The following BORCS5 variants were observed in gnomAD, a reference collection of about 807,000 sequenced individuals.
BORCS5 encodes the protein BLOC-1-related complex subunit 5.
BORCS5 carries 17 observed loss-of-function variants against 22.1 expected under a neutral mutation model. That is an observed-to-expected ratio of 0.77 (90% CI 0.53 to 1.15). The LOEUF (loss-of-function observed/expected upper bound fraction) is 1.15. BORCS5 is among the 50% of genes most tolerant of loss of function. The pLI is 0.00. For missense variants in BORCS5, 247 were observed against 253.2 expected (o/e 0.98, Z 0.17); for synonymous variants, 117 against 99.8 (o/e 1.17, Z -1.03).
At chr12:12,438,469 A>G (rs1218280846) in intron 3 of BORCS5, among the ~76,000 whole-genome samples, 1 of 152,048 alleles carries the variant, frequency 6.6e-6, no homozygotes, top group Non-Finnish European at 1.5e-5. Flanking sequence ...GACTAGCTCT[A>G]TATCAGAGAG....
rs10647835 is a variant in BORCS5 at position 12,470,676 on chromosome 12, GT to G, written c.*4912del. Among the ~76,000 whole-genome samples the G allele has an allele frequency of 8.2e-5, 12 of 146,502 alleles. No homozygotes were observed. Among genetic ancestry groups the G allele is most frequent in the African/African-American group, 2.8e-4 (11 of 39,922 alleles). ...ATAAATAACATTGAATTTCATGTGG[GT>G]TTTTTTTTTTTGACACACCAGGCAT... On this transcript the variant is annotated 3_prime_UTR_variant, in exon 4 of 4. Coordinates refer to ENST00000314565, the MANE Select transcript of BORCS5 (RefSeq NM_058169.6).
chr12:12,360,809 C>T (rs1230931847), intron 1 of BORCS5, among the ~76,000 whole-genome samples: 2 of 152,062 alleles, frequency 1.3e-5, no homozygotes, highest in Non-Finnish European at 2.9e-5. Context: ...CAACCTCCGC[C>T]TCTCGGGCTC....
intron 2 of BORCS5, among the ~76,000 whole-genome samples, chr12:12,401,304 C>T (rs1023477370): frequency 6.6e-6 from 1 of 152,086 alleles, no homozygotes; most frequent in Non-Finnish European, 1.5e-5. Context: ...TGTTCCACAT[C>T]CTCAGTAAAA....
At chr12:12,407,547 T>TATCCCCA (rs1270881813) in intron 2 of BORCS5, among the ~76,000 whole-genome samples, 1 of 152,188 alleles carries the variant, frequency 6.6e-6, no homozygotes, top group African/African-American at 2.4e-5. Flanking sequence ...TGGCATTAAG[T>TATCCCCA]ATATTCACAT....
At chr12:12,367,006 G>C (rs1863420533) in intron 2 of BORCS5, among the ~76,000 whole-genome samples, 1 of 151,812 alleles carries the variant, frequency 6.6e-6, no homozygotes, top group Admixed American at 6.6e-5. Context: ...AAGCAGCTTT[G>C]TTGGGAGTTT....
At chr12:12,439,899 A>G (rs1271062645) in intron 3 of BORCS5, among the ~76,000 whole-genome samples, 1 of 152,196 alleles carries the variant, frequency 6.6e-6, no homozygotes. Context: ...GAAATTAGTC[A>G]CTTCCAAATG....
chr12:12,365,541 C>A (rs1365197813), intron 2 of BORCS5, among the ~76,000 whole-genome samples: 1 of 151,828 alleles, frequency 6.6e-6, no homozygotes. Context: ...CCCCAACCCC[C>A]ACTTGATGAG....
At chr12:12,435,426 C>T (rs1470629934) in intron 2 of BORCS5, among the ~76,000 whole-genome samples, 2 of 152,212 alleles carry the variant, frequency 1.3e-5, no homozygotes, top group Admixed American at 6.5e-5. Context: ...AAAAATCGTG[C>T]ACAAGAAGCA....
intron 3 of BORCS5, among the ~76,000 whole-genome samples, chr12:12,436,301 A>C (rs924443889): frequency 3.9e-5 from 6 of 152,182 alleles, no homozygotes; most frequent in African/African-American, 1.4e-4. Context: ...TAACCCGCAA[A>C]GTTTTTAAAG....
At chr12:12,377,718 G>C (rs1019418348) in intron 2 of BORCS5, among the ~76,000 whole-genome samples, 1 of 152,176 alleles carries the variant, frequency 6.6e-6, no homozygotes, top group African/African-American at 2.4e-5. Context: ...AGCTTCTGTA[G>C]TATTTCAGGG....
chr12:12,403,476 G>GT (rs1488783455), intron 2 of BORCS5, among the ~76,000 whole-genome samples: 2 of 152,290 alleles, frequency 1.3e-5, no homozygotes, highest in African/African-American at 4.8e-5. Context: ...CTAGTCCGCT[G>GT]TGGGGGGCAC....
intron 2 of BORCS5, among the ~76,000 whole-genome samples, chr12:12,423,438 CTTTT>C (rs939681383): frequency 1.7e-5 from 1 of 57,246 alleles, no homozygotes; most frequent in South Asian, 8.1e-4. Flanking sequence ...ACTCCCTCAG[CTTTT>C]TTTTTTTTTT....
chr12:12,450,737 T>G (rs1942892578), intron 3 of BORCS5, among the ~76,000 whole-genome samples: 1 of 152,242 alleles, frequency 6.6e-6, no homozygotes, highest in African/African-American at 2.4e-5. Flanking sequence ...CTGGCTTCAC[T>G]GCTAGTACGA....
intron 3 of BORCS5, among the ~76,000 whole-genome samples, chr12:12,454,828 G>A (rs1942970781): frequency 6.6e-6 from 1 of 152,140 alleles, no homozygotes; most frequent in Non-Finnish European, 1.5e-5. Flanking sequence ...ACACTGCCGT[G>A]AGGTAGGATG....
Position 12,465,955 on chromosome 12 carries a change from A to G in BORCS5, c.*179A>G, listed in dbSNP as rs1943194611. On this transcript the variant is annotated 3_prime_UTR_variant, in exon 4 of 4. Transcript: ENST00000314565. Reference sequence around the variant, plus strand: ...TTTGCCCAGCTCTTTTCCTTGATGCAGTTTCCCGGTGTGGAAGGAACCTAA... The same window carrying G: ...TTTGCCCAGCTCTTTTCCTTGATGCGGTTTCCCGGTGTGGAAGGAACCTAA... 1.7e-6 allele frequency: 1 copy of G among 588,834 alleles called. No individual in the cohort carries two copies. Among genetic ancestry groups the G allele is most frequent in the Non-Finnish European group, 3.0e-6 (1 of 332,384 alleles). The allele number at this position is 588,834 out of a possible 1,614,324, so 36.5% of individuals were successfully genotyped here.
intron 2 of BORCS5, among the ~76,000 whole-genome samples, chr12:12,393,768 G>T (rs112344263): frequency 6.6e-6 from 1 of 150,736 alleles, no homozygotes; most frequent in Non-Finnish European, 1.5e-5. Flanking sequence ...AGATCTGCCC[G>T]CCTTGGCCTT....
At chr12:12,389,176 C>T (rs1863947120) in intron 2 of BORCS5, among the ~76,000 whole-genome samples, 2 of 115,454 alleles carry the variant, frequency 1.7e-5, no homozygotes, top group African/African-American at 6.7e-5. Context: ...TCATTCTTGT[C>T]GCCCAGGCTG....
chr12:12,448,887 C>A (rs1173419954), intron 3 of BORCS5, among the ~76,000 whole-genome samples: 2 of 152,194 alleles, frequency 1.3e-5, no homozygotes, highest in Admixed American at 1.3e-4. Context: ...GCCCAATGTT[C>A]AAGCATGTTC....
At chr12:12,362,670 T>G (rs1437210316) in intron 2 of BORCS5, among the ~76,000 whole-genome samples, 3 of 145,156 alleles carry the variant, frequency 2.1e-5, no homozygotes, top group Admixed American at 7.1e-5. Flanking sequence ...TTTAGAGTTT[T>G]GCTCTGTCAC....
Sources: gnomAD v4.1 joint callset for allele counts (sites outside exome capture counted in the v4.1 genomes callset) on GRCh38, gnomAD v4.1.1 for gene constraint, MANE v1.5 for transcripts, NCBI Gene and HGNC (gene_info 2026-07-23, HGNC 2026-07-21) for gene names.